The following AUTS2 variants were observed in gnomAD, a reference collection of about 807,000 sequenced individuals.
The protein encoded by AUTS2 is autism susceptibility gene 2 protein.
In AUTS2, 17 loss-of-function variants were observed where a neutral mutation model predicts 112.4. The ratio of observed to expected loss-of-function variants is 0.15; its 90% confidence interval spans 0.10 to 0.23. The LOEUF (loss-of-function observed/expected upper bound fraction) is 0.23, where lower values mean the gene tolerates loss of function less well. Ranked by LOEUF, AUTS2 falls within the 10% of genes least tolerant of loss-of-function variation. The pLI, the probability that AUTS2 is intolerant of heterozygous loss-of-function variation, is 1.00. For missense variants in AUTS2, 1,510 were observed against 1,701.6 expected (o/e 0.89, Z 1.98); for synonymous variants, 751 against 702.7 (o/e 1.07, Z -1.09).
At chr7:69,965,451 C>G (rs1288081378) in intron 2 of AUTS2, among the ~76,000 whole-genome samples, 1 of 152,054 alleles carries the variant, frequency 6.6e-6, no homozygotes, top group African/African-American at 2.4e-5. Flanking sequence ...GGGAGATGCA[C>G]AGAAGTAAAC....
chr7:70,165,534 C>T (rs557126133), intron 4 of AUTS2, among the ~76,000 whole-genome samples: 15 of 152,258 alleles, frequency 9.9e-5, no homozygotes, highest in Non-Finnish European at 1.8e-4. Context: ...ATACCCTCAA[C>T]CTAGAATTCT....
Position 70,790,849 on chromosome 7 carries a change from C to G in AUTS2, c.3633C>G (p.Thr1211=), listed in dbSNP as rs145677084. ...ACCAGAACGGACTCCTCAACAAGAC[C>G]CCTCCGACAGCAGCGCTGAGCGCAC... The part of the protein sequence containing the change: ...AGNQNGLLNK[T]PPTAALSAPP... Residue 1211 remains threonine, a synonymous_variant, in exon 19 of 19, where the codon ACC becomes ACG. Coordinates refer to ENST00000342771, the MANE Select transcript of AUTS2 (RefSeq NM_015570.4). The surrounding 1 kb of genome is among the most constrained non-coding windows in gnomAD (Gnocchi z 7.6). 171 of 1,607,218 alleles carry G rather than the reference C, an allele frequency of 1.1e-4. No individual in the cohort carries two copies. The African/African-American group carries it at 1.9e-3, about 18-fold the overall frequency.
At chr7:70,236,872 T>C (rs570150961) in intron 4 of AUTS2, among the ~76,000 whole-genome samples, 1 of 152,328 alleles carries the variant, frequency 6.6e-6, no homozygotes, top group East Asian at 1.9e-4. Flanking sequence ...CAAGCCAGCA[T>C]GCATGGGAGA....
chr7:70,151,077 A>G (rs1807407640), intron 4 of AUTS2, among the ~76,000 whole-genome samples: 1 of 152,136 alleles, frequency 6.6e-6, no homozygotes, highest in Non-Finnish European at 1.5e-5. Context: ...ACCAAGTGGA[A>G]CTCAGTAGAC....
In AUTS2 at chr7:70,404,114, C is replaced by A. The variant is rs369562490; in HGVS notation, c.661-31638C>A. Among the ~76,000 whole-genome samples, 426 of 152,268 alleles carry A rather than the reference C, an allele frequency of 2.8e-3. 28 individuals are homozygous for A. The South Asian group carries it at 0.086, about 31-fold the overall frequency. On this transcript the variant is annotated intron_variant, in intron 4 of 18. Coordinates refer to ENST00000342771, the MANE Select transcript of AUTS2 (RefSeq NM_015570.4). ...TTGTTTTATAACACTGTCTAAGACT[C>A]GAGTGTAAAATCCATCATCCATCAC...
chr7:70,574,124 T>C (rs1802062248), intron 5 of AUTS2, among the ~76,000 whole-genome samples: 1 of 152,084 alleles, frequency 6.6e-6, no homozygotes, highest in Non-Finnish European at 1.5e-5. Context: ...CCCATAGCAG[T>C]TGGGGAATTA....
chr7:70,654,202 A>G (rs1243552875), intron 5 of AUTS2, among the ~76,000 whole-genome samples: 1 of 152,234 alleles, frequency 6.6e-6, no homozygotes, highest in African/African-American at 2.4e-5. Flanking sequence ...AATGAACATT[A>G]TCTGTCAATT....
intron 5 of AUTS2, among the ~76,000 whole-genome samples, chr7:70,471,211 T>A (rs1313990381): frequency 6.6e-6 from 1 of 152,210 alleles, no homozygotes; most frequent in Non-Finnish European, 1.5e-5. Context: ...TTCTAGAGTT[T>A]ATGGCTATAA....
At chr7:69,799,628 T>C (rs1789995454) in intron 1 of AUTS2, among the ~76,000 whole-genome samples, 1 of 152,248 alleles carries the variant, frequency 6.6e-6, no homozygotes, top group Admixed American at 6.5e-5. Context: ...TGGGCAGTTT[T>C]CATTTGAGTT....
chr7:69,613,983 C>G (rs1337083512), intron 1 of AUTS2, among the ~76,000 whole-genome samples: 1 of 152,120 alleles, frequency 6.6e-6, no homozygotes, highest in East Asian at 1.9e-4. Context: ...CCATTCCACC[C>G]TGTTAAGGTT....
intron 2 of AUTS2, among the ~76,000 whole-genome samples, chr7:70,041,257 T>TA (rs556861898): frequency 6.6e-6 from 1 of 152,176 alleles, no homozygotes; most frequent in Non-Finnish European, 1.5e-5. Context: ...CATACTCTCT[T>TA]AAAAAAATAT....
intron 4 of AUTS2, among the ~76,000 whole-genome samples, chr7:70,420,928 A>G (rs1195316139): frequency 6.6e-6 from 1 of 152,208 alleles, no homozygotes; most frequent in Non-Finnish European, 1.5e-5. Context: ...TGTCAGTTAT[A>G]TCTCAATAAA....
chr7:70,425,781 G>C (rs147911703), intron 4 of AUTS2, among the ~76,000 whole-genome samples: 112 of 152,316 alleles, frequency 7.4e-4, no homozygotes, highest in African/African-American at 2.6e-3. Flanking sequence ...GAGCCAGGGA[G>C]ATTTCCAACA....
intron 1 of AUTS2, among the ~76,000 whole-genome samples, chr7:69,656,376 CA>C (rs1436592262): frequency 1.6e-4 from 25 of 152,230 alleles, no homozygotes; most frequent in African/African-American, 5.8e-4. Context: ...GCTAGGTTAA[CA>C]GTCTCTCTGT....
chr7:70,544,990 G>T (rs71549359), intron 5 of AUTS2, among the ~76,000 whole-genome samples: 69 of 152,244 alleles, frequency 4.5e-4, no homozygotes, highest in Admixed American at 1.6e-3. Context: ...GGACCCAGGG[G>T]ACCTCATCCA....
intron 1 of AUTS2, among the ~76,000 whole-genome samples, chr7:69,758,737 G>A (rs1487123791): frequency 6.6e-6 from 1 of 152,132 alleles, no homozygotes; most frequent in Non-Finnish European, 1.5e-5. Flanking sequence ...TGGTGGAGGT[G>A]TGTTTTTTTC....
At chr7:69,974,877 G>C (rs1052394942) in intron 2 of AUTS2, among the ~76,000 whole-genome samples, 1 of 151,962 alleles carries the variant, frequency 6.6e-6, no homozygotes, top group Non-Finnish European at 1.5e-5. Context: ...TTTAAAGAGA[G>C]TTTCTTATGG....
At chr7:70,225,024 C>T (rs1305964652) in intron 4 of AUTS2, among the ~76,000 whole-genome samples, 1 of 152,166 alleles carries the variant, frequency 6.6e-6, no homozygotes, top group Non-Finnish European at 1.5e-5. Flanking sequence ...ATATTCCCAT[C>T]GTTAAGCAAC....
At chr7:70,299,467 T>TAAA (rs1789101580) in intron 4 of AUTS2, among the ~76,000 whole-genome samples, 1 of 152,214 alleles carries the variant, frequency 6.6e-6, no homozygotes, top group Non-Finnish European at 1.5e-5. Context: ...TTCCCCACAC[T>TAAA]TACGGTTTCT....
Sources: allele counts gnomAD v4.1 joint callset (sites outside exome capture counted in the v4.1 genomes callset), GRCh38; gene constraint gnomAD v4.1.1; non-coding constraint Gnocchi (gnomAD v3.1); transcripts MANE v1.5; gene names NCBI Gene and HGNC (gene_info 2026-07-23, HGNC 2026-07-21).